PLEKHA6: variants seen among roughly 807,000 people sequenced by gnomAD.
PLEKHA6 encodes the protein pleckstrin homology domain-containing family A member 6.
Under a neutral mutation model 116.7 loss-of-function variants are expected in PLEKHA6, and 60 were observed. The observed-to-expected ratio is 0.51, with a 90% CI of 0.42 to 0.64. The LOEUF (loss-of-function observed/expected upper bound fraction) is 0.64, where lower values mean the gene tolerates loss of function less well. Among genes scored for constraint, PLEKHA6 ranks in the 30% least tolerant of loss-of-function variants. PLEKHA6 has a pLI of 0.00. For missense variants in PLEKHA6, 1,338 were observed against 1,422.7 expected, an observed-to-expected ratio of 0.94 and a Z score of 0.96; for synonymous variants, 489 against 556.1, an observed-to-expected ratio of 0.88 and a Z score of 1.70.
In PLEKHA6 at chr1:204,252,156, G is replaced by T. The variant is rs573024872; in HGVS notation, c.1525-1542C>A. 2.4e-4 allele frequency among the ~76,000 whole-genome samples: 36 copies of T among 148,782 alleles called. No homozygotes were observed. In the East Asian group the frequency reaches 7.0e-3, roughly 29 times the overall value. On this transcript the variant is annotated intron_variant, in intron 9 of 22. Transcript: ENST00000272203. ...TGCTAAACACGGTTTCCAGAGCTGGGCTGGCAGCATCCATGAGGATCTCGG... is the reference window on the plus strand; with the variant it reads ...TGCTAAACACGGTTTCCAGAGCTGGTCTGGCAGCATCCATGAGGATCTCGG...
At chr1:204,356,424 AG>A (rs1673418182) in intron 1 of PLEKHA6, among the ~76,000 whole-genome samples, 1 of 152,034 alleles carries the variant, frequency 6.6e-6, no homozygotes, top group Non-Finnish European at 1.5e-5. Flanking sequence ...AAAATTAGCC[AG>A]GTATGGTGAC....
At chr1:204,307,467 G>A (rs1452847137) in intron 1 of PLEKHA6, 1 of 152,284 alleles carries the variant, frequency 6.6e-6, no homozygotes, top group Non-Finnish European at 1.5e-5. Context: ...GAAGGAGACA[G>A]GGAGAGAGCC....
At chr1:204,332,215 A>G (rs1306416879) in intron 1 of PLEKHA6, among the ~76,000 whole-genome samples, 2 of 152,144 alleles carry the variant, frequency 1.3e-5, no homozygotes, top group Non-Finnish European at 2.9e-5. Context: ...TTCCATATTC[A>G]TGCCCACGCT....
chr1:204,293,216 C>T (rs1669951918), intron 1 of PLEKHA6, among the ~76,000 whole-genome samples: 1 of 152,114 alleles, frequency 6.6e-6, no homozygotes, highest in Admixed American at 6.5e-5. Context: ...CTCATTGCAA[C>T]CTCTGCCTCC....
intron 5 of PLEKHA6, among the ~76,000 whole-genome samples, chr1:204,265,495 T>A (rs538546815): frequency 6.6e-6 from 1 of 152,210 alleles, no homozygotes; most frequent in Non-Finnish European, 1.5e-5. Context: ...AGATGATTTA[T>A]CCAAGGTTAC....
At position 204,223,673 on chromosome 1, in the gene PLEKHA6, G is replaced by C; in HGVS notation, c.3032-88C>G. The C allele has an allele frequency of 1.5e-6, 1 of 653,936 alleles. No individual in the cohort carries two copies. The allele number at this position is 653,936 out of a possible 1,614,324, so 40.5% of individuals were successfully genotyped here. ...GAGCAAGCGAGGCCCTCCCCAGGCA[G>C]GGAGTGAGGCAGGGAGGCAAGCGAA... On this transcript the variant is annotated intron_variant, in intron 21 of 22. Coordinates refer to ENST00000272203, the MANE Select transcript of PLEKHA6 (RefSeq NM_014935.5). The surrounding 1 kb of genome is among the most constrained non-coding windows in gnomAD (Gnocchi z 4.8).
chr1:204,254,649 G>A (rs1224934996), intron 9 of PLEKHA6, among the ~76,000 whole-genome samples: 2 of 152,084 alleles, frequency 1.3e-5, no homozygotes, highest in Non-Finnish European at 2.9e-5. Flanking sequence ...TAAAATGGGG[G>A]TAATAATAGC....
intron 17 of PLEKHA6, among the ~76,000 whole-genome samples, chr1:204,231,970 G>A (rs184308176): frequency 3.7e-3 from 560 of 152,184 alleles, no homozygotes; most frequent in Non-Finnish European, 6.0e-3. Flanking sequence ...TGCGGAACCC[G>A]GAGATATGGA....
intron 6 of PLEKHA6, among the ~76,000 whole-genome samples, chr1:204,263,663 C>G (rs1441504945): frequency 6.6e-6 from 1 of 151,994 alleles, no homozygotes; most frequent in Non-Finnish European, 1.5e-5. Flanking sequence ...CTGCTGCTGG[C>G]AGAGCTCCGA....
intron 2 of PLEKHA6, chr1:204,369,448 G>A (rs1317958598): frequency 2.0e-5 from 3 of 152,210 alleles, no homozygotes; most frequent in Non-Finnish European, 4.4e-5. Flanking sequence ...ATTCAGGAGG[G>A]CGTGGGTTGG....
rs1273952256 is a variant in PLEKHA6, at chr1:204,259,901, T to C, written c.525-161A>G. Among the ~76,000 whole-genome samples, 1 of 152,116 alleles carries C rather than the reference T, an allele frequency of 6.6e-6. No individual in the cohort carries two copies. The highest frequency in any genetic ancestry group is 1.9e-4 in the East Asian group (1 of 5,186). ...AGTTCTGCTTCCTAAGTCCCACCCC[T>C]TCACCTTCTCGCTCCAGCCTGGGAA... On this transcript the variant is annotated intron_variant, in intron 7 of 22. Transcript: ENST00000272203. This position sits in a 1 kb window ranked among gnomAD's most constrained non-coding sequence, Gnocchi z 4.6.
chr1:204,276,576 CCTT>C (rs1668028535), intron 1 of PLEKHA6, among the ~76,000 whole-genome samples: 1 of 152,000 alleles, frequency 6.6e-6, no homozygotes, highest in South Asian at 2.1e-4. Context: ...CCTCCAGTCT[CCTT>C]CTGCTCTGTG....
chr1:204,315,894 C>T (rs988658736), intron 1 of PLEKHA6, among the ~76,000 whole-genome samples: 2 of 152,072 alleles, frequency 1.3e-5, no homozygotes, highest in Non-Finnish European at 2.9e-5. Context: ...ATTAAGGAGA[C>T]GGGAGATTAC....
chr1:204,287,497 C>T (rs1341409959), intron 1 of PLEKHA6, among the ~76,000 whole-genome samples: 1 of 152,148 alleles, frequency 6.6e-6, no homozygotes, highest in Non-Finnish European at 1.5e-5. Flanking sequence ...TCTCTTTCTC[C>T]CTGGATTTCA....
At chr1:204,321,869 T>G in intron 1 of PLEKHA6, among the ~76,000 whole-genome samples, 1 of 152,236 alleles carries the variant, frequency 6.6e-6, no homozygotes, top group East Asian at 1.9e-4. Context: ...CTTAAGGCAG[T>G]GCAGGCCCAA....
intron 1 of PLEKHA6, among the ~76,000 whole-genome samples, chr1:204,316,819 C>T (rs543305947): frequency 3.3e-4 from 51 of 152,316 alleles, no homozygotes; most frequent in African/African-American, 1.1e-3. Context: ...TTGGCATCTG[C>T]GTTAGGATAT....
intron 9 of PLEKHA6, among the ~76,000 whole-genome samples, 172 bp from the exon 10 acceptor site, chr1:204,250,786 G>C (rs949632440): frequency 1.3e-5 from 2 of 152,184 alleles, no homozygotes; most frequent in African/African-American, 4.8e-5. Flanking sequence ...CTGGAAGCCT[G>C]GGATGGCCCG....
At chr1:204,244,811 G>C in intron 15 of PLEKHA6, 53 bp downstream of exon 15, 10 of 1,391,822 alleles carry the variant, frequency 7.2e-6, no homozygotes, top group Non-Finnish European at 9.7e-6. Context: ...TCAGACAAAC[G>C]AGGATCTGGT....
At chr1:204,272,134 C>A (rs865899373) in intron 3 of PLEKHA6, among the ~76,000 whole-genome samples, 1 of 151,966 alleles carries the variant, frequency 6.6e-6, no homozygotes, top group East Asian at 1.9e-4. Flanking sequence ...CCACCCCATT[C>A]CTCTCAGGAG....
Sources: allele counts gnomAD v4.1 joint callset (sites outside exome capture counted in the v4.1 genomes callset), GRCh38; gene constraint gnomAD v4.1.1; non-coding constraint Gnocchi (gnomAD v3.1); transcripts MANE v1.5; gene names NCBI Gene and HGNC (gene_info 2026-07-23, HGNC 2026-07-21).